The following CACNA2D3 variants were observed in gnomAD, a reference collection of about 807,000 sequenced individuals.
CACNA2D3 encodes voltage-dependent calcium channel subunit alpha-2/delta-3.
A neutral mutation model predicts 160.6 loss-of-function variants in CACNA2D3; 60 were observed. That is an observed-to-expected ratio of 0.37 (90% confidence interval 0.30 to 0.46). The LOEUF is 0.46. Among genes scored for constraint, CACNA2D3 ranks in the 20% least tolerant of loss-of-function variants. The pLI is 1.00. For missense variants in CACNA2D3, 1,205 were observed against 1,365.0 expected (o/e 0.88, Z 1.85); for synonymous variants, 558 against 492.9 (o/e 1.13, Z -1.75).
chr3:54,307,029 G>T (rs915099962), intron 2 of CACNA2D3, among the ~76,000 whole-genome samples: 2 of 152,122 alleles, frequency 1.3e-5, no homozygotes, highest in African/African-American at 4.8e-5. Flanking sequence ...CTTAGGATGG[G>T]ATGGAAGCTC....
Position 54,775,033 on chromosome 3 carries a change from A to G in CACNA2D3, c.1380+10682A>G, listed in dbSNP as rs114759747. 8.0e-3 allele frequency among the ~76,000 whole-genome samples: 1,212 copies of G among 152,314 alleles called. 19 individuals are homozygous for G. Among genetic ancestry groups the G allele is most frequent in the African/African-American group, 0.028 (1,154 of 41,564 alleles). On this transcript the variant is annotated intron_variant, in intron 13 of 37. Transcript: ENST00000474759. The stretch of plus-strand genomic sequence containing the variant: ...TTTTGGTATCTAACATAATGTTGTT[A>G]ACTTTCATTACATTTATAAACCTTA...
intron 2 of CACNA2D3, among the ~76,000 whole-genome samples, chr3:54,298,420 T>G (rs57945354): frequency 0.23 from 35,417 of 152,228 alleles, 4,359 homozygotes; most frequent in South Asian, 0.34. Context: ...CATGTGAACT[T>G]CAGGTTCATA....
chr3:54,258,181 A>C (rs1702335968), intron 2 of CACNA2D3, among the ~76,000 whole-genome samples: 1 of 152,182 alleles, frequency 6.6e-6, no homozygotes. Flanking sequence ...ACTTCTAGGA[A>C]TGGTAATACT....
intron 4 of CACNA2D3, among the ~76,000 whole-genome samples, chr3:54,414,009 A>G (rs1330220768): frequency 6.6e-6 from 1 of 151,352 alleles, no homozygotes; most frequent in African/African-American, 2.4e-5. Flanking sequence ...ACATTTACTT[A>G]TAAGATTCAT....
chr3:54,736,942 G>A (rs993992030), intron 11 of CACNA2D3, among the ~76,000 whole-genome samples: 5 of 152,146 alleles, frequency 3.3e-5, no homozygotes, highest in Non-Finnish European at 7.4e-5. Context: ...ATCATGTATG[G>A]TACCAGGTTT....
chr3:55,073,777 A>C lies in CACNA2D3; in HGVS notation c.3101A>C (p.Tyr1034Ser). ...PITMAPIEIR[Y>S]NESLKCERLK... ...GAAACATGCCTTAACTACAGTCAAC[A>C]TAATGAATCCCTTAAGTGTGAACGT... Residue 1034 changes from tyrosine (Y) to serine (S), a missense_variant and splice_region_variant, in exon 37 of 38, where the codon TAT (tyrosine) becomes TCT (serine). Tyr to Ser is a moderately radical substitution (Grantham distance 144). This residue lies in a region of CACNA2D3 where 911 missense variants were observed against 1,002.2 expected (regional missense o/e 0.91). Coordinates refer to ENST00000474759, the MANE Select transcript of CACNA2D3 (RefSeq NM_018398.3). 1 of 1,612,464 alleles carries C rather than the reference A, an allele frequency of 6.2e-7. No homozygotes were observed. Among genetic ancestry groups the C allele is most frequent in the Non-Finnish European group, 8.5e-7 (1 of 1,178,696 alleles).
intron 27 of CACNA2D3, among the ~76,000 whole-genome samples, chr3:54,946,988 A>G (rs1342070302): frequency 6.6e-6 from 1 of 152,234 alleles, no homozygotes; most frequent in Admixed American, 6.5e-5. Flanking sequence ...TAAGATGATT[A>G]GAATTACCTG....
intron 11 of CACNA2D3, among the ~76,000 whole-genome samples, chr3:54,739,999 T>C (rs1375930016): frequency 6.6e-6 from 1 of 152,042 alleles, no homozygotes; most frequent in Non-Finnish European, 1.5e-5. Context: ...GCAGGATGTT[T>C]AGTATCTAGC....
intron 4 of CACNA2D3, among the ~76,000 whole-genome samples, chr3:54,495,145 G>A (rs1220541485): frequency 6.6e-6 from 1 of 152,120 alleles, no homozygotes; most frequent in Admixed American, 6.5e-5. Context: ...GGCTGGTCAA[G>A]GTATTTCCGC....
intron 13 of CACNA2D3, among the ~76,000 whole-genome samples, chr3:54,776,989 C>G (rs2107122412): frequency 6.6e-6 from 1 of 152,330 alleles, no homozygotes. Context: ...GATTCTCATG[C>G]TTTGACATGG....
chr3:54,419,166 C>G (rs1699800790), intron 4 of CACNA2D3, among the ~76,000 whole-genome samples: 1 of 152,228 alleles, frequency 6.6e-6, no homozygotes, highest in Non-Finnish European at 1.5e-5. Flanking sequence ...GCTGTTCAGT[C>G]TCGGAACTTG....
intron 14 of CACNA2D3, among the ~76,000 whole-genome samples, chr3:54,833,476 G>A (rs1003116379): frequency 6.6e-6 from 1 of 152,052 alleles, no homozygotes; most frequent in African/African-American, 2.4e-5. Flanking sequence ...CCTTGCCTCA[G>A]TAGCAGCTAC....
At chr3:54,844,733 G>C (rs564382515) in intron 16 of CACNA2D3, among the ~76,000 whole-genome samples, 1 of 152,242 alleles carries the variant, frequency 6.6e-6, no homozygotes, top group Non-Finnish European at 1.5e-5. Flanking sequence ...ATTTTGATAA[G>C]TACTATAAGA....
At chr3:54,871,407 T>A in intron 17 of CACNA2D3, 132 bp from the exon 18 acceptor site, 1 of 618,230 alleles carries the variant, frequency 1.6e-6, no homozygotes, top group Non-Finnish European at 2.8e-6. Context: ...GTCACCCTGC[T>A]GGGCTTCTCA....
At chr3:54,911,383 G>A (rs980813812) in intron 27 of CACNA2D3, among the ~76,000 whole-genome samples, 58 of 59,460 alleles carry the variant, frequency 9.8e-4, no homozygotes, top group Non-Finnish European at 1.2e-3. Context: ...TAAAGAGATG[G>A]GGGTCACACG....
rs1699534232 is a variant in CACNA2D3, at chr3:54,642,111, C to T, written c.1054-17C>T. On this transcript the variant is annotated splice_polypyrimidine_tract_variant and intron_variant, in intron 10 of 37. Transcript: ENST00000474759. ...TCTCTGATATGTATACTATTTTGAA[C>T]TTATTTCTTTCCCTAGTTCAACCAC... is the stretch of plus-strand genomic sequence containing the variant. 4 of 1,550,936 alleles carry T rather than the reference C, an allele frequency of 2.6e-6. No homozygotes were observed. Among genetic ancestry groups the T allele is most frequent in the African/African-American group, 2.7e-5 (2 of 73,486 alleles).
chr3:54,803,808 A>T (rs951183630), intron 13 of CACNA2D3, among the ~76,000 whole-genome samples: 1 of 152,240 alleles, frequency 6.6e-6, no homozygotes, highest in African/African-American at 2.4e-5. Flanking sequence ...CCAGAGAGAA[A>T]GGTCGGATTA....
intron 4 of CACNA2D3, among the ~76,000 whole-genome samples, chr3:54,392,754 A>T (rs190670867): frequency 7.2e-5 from 11 of 152,270 alleles, no homozygotes; most frequent in African/African-American, 2.6e-4. Context: ...AGCTTACTCT[A>T]CCTGCTTACC....
At chr3:54,891,310 T>G (rs1273449547) in intron 24 of CACNA2D3, 45 bp from the exon 25 acceptor site, 2 of 1,320,026 alleles carry the variant, frequency 1.5e-6, no homozygotes, top group Non-Finnish European at 1.1e-6. Context: ...TATTATCTGC[T>G]TACTGTCTAG....
Sources: gnomAD v4.1 joint callset for allele counts (sites outside exome capture counted in the v4.1 genomes callset) on GRCh38, gnomAD v4.1.1 for gene constraint, gnomAD v4.1.1 regional missense constraint, MANE v1.5 for transcripts, NCBI Gene and HGNC (gene_info 2026-07-23, HGNC 2026-07-21) for gene names.